The following RAPGEF1 variants were observed in gnomAD, a reference collection of about 807,000 sequenced individuals.
The protein encoded by RAPGEF1 is CRK SH3-binding GNRP.
Under a neutral mutation model 143.3 loss-of-function variants are expected in RAPGEF1, and 33 were observed. That is an observed-to-expected ratio of 0.23 (90% confidence interval 0.17 to 0.31). The LOEUF (loss-of-function observed/expected upper bound fraction) is 0.31. RAPGEF1 is among the 10% of genes least tolerant of loss of function. RAPGEF1 has a pLI of 1.00. For synonymous variants in RAPGEF1, 629 were observed against 676.5 expected (o/e 0.93, Z 1.09); for missense variants, 1,199 against 1,645.4 (o/e 0.73, Z 4.69).
chr9:131,727,199 G>A (rs1406413940), intron 1 of RAPGEF1, among the ~76,000 whole-genome samples: 1 of 152,084 alleles, frequency 6.6e-6, no homozygotes, highest in Non-Finnish European at 1.5e-5. Context: ...CTAGGGCTCA[G>A]ACCTGACTGA....
At chr9:131,677,837 A>G (rs1832555743) in intron 1 of RAPGEF1, among the ~76,000 whole-genome samples, 1 of 152,188 alleles carries the variant, frequency 6.6e-6, no homozygotes, top group Non-Finnish European at 1.5e-5. Context: ...CGGCCTTAAC[A>G]CGAGTCTTGG....
intron 1 of RAPGEF1, among the ~76,000 whole-genome samples, chr9:131,704,631 T>G (rs963128098): frequency 1.3e-5 from 2 of 152,196 alleles, no homozygotes; most frequent in Admixed American, 1.3e-4. Flanking sequence ...CAATTCAATT[T>G]GCAATTACTG....
Position 131,606,380 on chromosome 9 carries a change from G to A in RAPGEF1, c.2062-1192C>T, listed in dbSNP as rs568489704. Among the ~76,000 whole-genome samples, 3 of 152,310 alleles carry A rather than the reference G, an allele frequency of 2.0e-5. No homozygotes were observed. The East Asian group carries it at 5.8e-4, about 29-fold the overall frequency. Reference sequence around the variant, plus strand: ...GGGGAGCTGGGAGAGCGCTGTGGGGGTGGCCACGTCCAAAGTCCTTGCAGA... The same window carrying A: ...GGGGAGCTGGGAGAGCGCTGTGGGGATGGCCACGTCCAAAGTCCTTGCAGA... On this transcript the variant is annotated intron_variant, in intron 12 of 26. Coordinates refer to ENST00000683357, the MANE Select transcript of RAPGEF1 (RefSeq NM_001377935.1).
At chr9:131,696,624 G>T (rs908785665) in intron 1 of RAPGEF1, among the ~76,000 whole-genome samples, 1 of 152,194 alleles carries the variant, frequency 6.6e-6, no homozygotes, top group East Asian at 1.9e-4. Flanking sequence ...GCGAACTGTA[G>T]CTCTGAATAT....
chr9:131,639,508 G>A (rs111552717), intron 4 of RAPGEF1, among the ~76,000 whole-genome samples: 118 of 151,800 alleles, frequency 7.8e-4, no homozygotes, highest in African/African-American at 2.5e-3. Context: ...TGATGCCAGC[G>A]CCCACAGACA....
intron 1 of RAPGEF1, among the ~76,000 whole-genome samples, chr9:131,735,428 G>C (rs1281414973): frequency 6.6e-6 from 1 of 152,192 alleles, no homozygotes; most frequent in Non-Finnish European, 1.5e-5. Context: ...CTGCAAGTCT[G>C]ATCTCTTGCC....
chr9:131,604,016 T>A lies in RAPGEF1; in HGVS notation c.2357A>T (p.Tyr786Phe). ...CTGGCCAGAGGAATACAGATTGACA[T>A]ATTCACCCTCACCAGCTTCCTCACT... ...NASEEAGEGEYVNLYSSGQSS... is the reference protein window; with the variant it reads ...NASEEAGEGEFVNLYSSGQSS... The change falls in exon 14 of 27, where the codon TAT becomes TTT. Residue 786 changes from tyrosine to phenylalanine, a missense_variant. Tyr to Phe is a conservative substitution (Grantham distance 22, BLOSUM62 3). Coordinates refer to ENST00000683357, the MANE Select transcript of RAPGEF1 (RefSeq NM_001377935.1). The A allele has an allele frequency of 7.5e-7, 1 of 1,341,330 alleles. No individual in the cohort carries two copies. The highest frequency in any genetic ancestry group is 9.9e-7 in the Non-Finnish European group (1 of 1,007,798). The allele number at this position is 1,341,330 out of a possible 1,614,324, so 83.1% of individuals were successfully genotyped here.
chr9:131,657,625 C>T (rs937560052), intron 1 of RAPGEF1, among the ~76,000 whole-genome samples: 3 of 152,144 alleles, frequency 2.0e-5, no homozygotes, highest in African/African-American at 7.2e-5. Flanking sequence ...GCACTAGTGG[C>T]TACTGAGGCC....
intron 5 of RAPGEF1, among the ~76,000 whole-genome samples, chr9:131,637,228 G>GAA (rs772570490): frequency 2.4e-5 from 3 of 125,448 alleles, no homozygotes; most frequent in Admixed American, 8.2e-5. Context: ...CCGTCTCAGA[G>GAA]AAAAAAAAAA....
chr9:131,608,232 C>T (rs974467674), intron 12 of RAPGEF1, among the ~76,000 whole-genome samples: 1 of 152,228 alleles, frequency 6.6e-6, no homozygotes, highest in Non-Finnish European at 1.5e-5. Flanking sequence ...GTGCGGACGA[C>T]CTCTCGGCCA....
intron 1 of RAPGEF1, among the ~76,000 whole-genome samples, chr9:131,690,146 T>C (rs546561657): frequency 6.6e-6 from 1 of 152,324 alleles, no homozygotes; most frequent in South Asian, 2.1e-4. Flanking sequence ...GAAATTAAGG[T>C]TACCAAGAGT....
chr9:131,594,799 G>A (rs2132333441), intron 17 of RAPGEF1, among the ~76,000 whole-genome samples: 1 of 152,332 alleles, frequency 6.6e-6, no homozygotes, highest in Non-Finnish European at 1.5e-5. Flanking sequence ...TGGCTGTCCT[G>A]TCTCAGGGAC....
chr9:131,734,291 C>T (rs746684293), intron 1 of RAPGEF1, among the ~76,000 whole-genome samples: 1 of 152,202 alleles, frequency 6.6e-6, no homozygotes, highest in Non-Finnish European at 1.5e-5. Context: ...CTTAGCTGCC[C>T]TGAGGGGCAA....
intron 1 of RAPGEF1, among the ~76,000 whole-genome samples, chr9:131,699,535 C>T (rs1834472272): frequency 1.3e-5 from 2 of 152,194 alleles, no homozygotes; most frequent in Admixed American, 6.5e-5. Context: ...TGAGGCACTG[C>T]GCCTGGCCCC....
chr9:131,709,049 A>T (rs1321032160), intron 1 of RAPGEF1, among the ~76,000 whole-genome samples: 2 of 152,112 alleles, frequency 1.3e-5, no homozygotes, highest in East Asian at 3.9e-4. Flanking sequence ...GAACATTTCT[A>T]AAAAAGTAAA....
intron 10 of RAPGEF1, among the ~76,000 whole-genome samples, chr9:131,622,624 G>A (rs556556768): frequency 6.6e-6 from 1 of 152,258 alleles, no homozygotes; most frequent in African/African-American, 2.4e-5. Flanking sequence ...TTATTTAAAA[G>A]AATATGTAAG....
intron 3 of RAPGEF1, among the ~76,000 whole-genome samples, chr9:131,648,493 A>G (rs1306504066): frequency 6.6e-6 from 1 of 152,248 alleles, no homozygotes; most frequent in African/African-American, 2.4e-5. Context: ...CACTAGCAGG[A>G]TAACGTTGTT....
chr9:131,628,176 T>C lies in RAPGEF1; in HGVS notation c.1018-80A>G. On this transcript the variant is annotated intron_variant, in intron 8 of 26. Transcript: ENST00000683357. This position sits in a 1 kb window ranked among gnomAD's most constrained non-coding sequence, Gnocchi z 5.7. ...GACCAGGGGTGAGGCAACCGGTGCA[T>C]TTACTTAGAGAAGGAAATACTGCCA... 2 of 1,306,036 alleles carry C rather than the reference T, an allele frequency of 1.5e-6. No individual in the cohort carries two copies. Among genetic ancestry groups the C allele is most frequent in the South Asian group, 1.5e-5 (1 of 65,246 alleles). The allele number at this position is 1,306,036 out of a possible 1,614,324, so 80.9% of individuals were successfully genotyped here.
chr9:131,729,994 A>G (rs7847090), intron 1 of RAPGEF1, among the ~76,000 whole-genome samples: 6,798 of 151,970 alleles, frequency 0.045, 512 homozygotes, highest in African/African-American at 0.16. Context: ...GGAGATCGAG[A>G]CCATCCTGGC....
Sources: gnomAD v4.1 joint callset for allele counts (sites outside exome capture counted in the v4.1 genomes callset) on GRCh38, gnomAD v4.1.1 for gene constraint, Gnocchi (gnomAD v3.1) non-coding constraint, MANE v1.5 for transcripts, NCBI Gene and HGNC (gene_info 2026-07-23, HGNC 2026-07-21) for gene names.